Variants in FSTL5 observed in about 807,000 individuals in gnomAD.
The protein encoded by FSTL5 is follistatin-related protein 5.
FSTL5 carries 62 observed loss-of-function variants against 89.1 expected under a neutral mutation model. That is an observed-to-expected ratio of 0.70 (90% CI 0.57 to 0.86). The LOEUF is 0.86. Among genes scored for constraint, FSTL5 ranks in the 40% least tolerant of loss-of-function variants. FSTL5 has a pLI of 0.00. For missense variants in FSTL5, 1,057 were observed against 1,001.6 expected, an observed-to-expected ratio of 1.06 and a Z score of -0.75; for synonymous variants, 383 against 346.2, an observed-to-expected ratio of 1.11 and a Z score of -1.18.
chr4:161,442,145 A>AT (rs1430072186), intron 15 of FSTL5, among the ~76,000 whole-genome samples: 2 of 88,282 alleles, frequency 2.3e-5, no homozygotes, highest in African/African-American at 7.1e-5. Context: ...ACTCTATAAA[A>AT]GGTTTTTTTT....
intron 2 of FSTL5, among the ~76,000 whole-genome samples, chr4:162,050,762 C>A (rs1553994968): frequency 6.6e-6 from 1 of 151,010 alleles, no homozygotes; most frequent in Non-Finnish European, 1.5e-5. Flanking sequence ...GAGTAGAAAA[C>A]AAAGGAATTT....
intron 10 of FSTL5, among the ~76,000 whole-genome samples, chr4:161,525,385 T>C (rs185401908): frequency 6.6e-6 from 1 of 152,296 alleles, no homozygotes; most frequent in Non-Finnish European, 1.5e-5. Context: ...TTCTAAACTA[T>C]GTAAATGTCT....
intron 4 of FSTL5, among the ~76,000 whole-genome samples, chr4:161,829,201 T>C (rs548040366): frequency 6.7e-6 from 1 of 148,402 alleles, no homozygotes; most frequent in Non-Finnish European, 1.5e-5. Flanking sequence ...ATATAGTCTA[T>C]GTTATATAAA....
At chr4:161,602,781 G>A (rs1433031651) in intron 7 of FSTL5, among the ~76,000 whole-genome samples, 2 of 152,090 alleles carry the variant, frequency 1.3e-5, no homozygotes, top group Non-Finnish European at 2.9e-5. Context: ...GGAGAATTAA[G>A]GAGCTGTCAG....
intron 7 of FSTL5, among the ~76,000 whole-genome samples, chr4:161,644,234 A>G (rs1470196012): frequency 6.6e-6 from 1 of 152,096 alleles, no homozygotes; most frequent in Non-Finnish European, 1.5e-5. Flanking sequence ...GTATTCAAGA[A>G]CAGTAGTAAT....
At chr4:162,015,280 GA>G (rs1007315007) in intron 3 of FSTL5, among the ~76,000 whole-genome samples, 26 of 152,154 alleles carry the variant, frequency 1.7e-4, no homozygotes, top group Middle Eastern at 3.4e-3. Context: ...CAGAACTCAA[GA>G]AAAAAGGGAA....
At chr4:161,608,531 G>C (rs1261791238) in intron 7 of FSTL5, among the ~76,000 whole-genome samples, 2 of 151,826 alleles carry the variant, frequency 1.3e-5, no homozygotes, top group South Asian at 2.1e-4. Flanking sequence ...TGTAAAAAGA[G>C]TAATTGCAAA....
chr4:161,388,716 A>T (rs1730725212), intron 15 of FSTL5, among the ~76,000 whole-genome samples: 1 of 152,062 alleles, frequency 6.6e-6, no homozygotes, highest in African/African-American at 2.4e-5. Flanking sequence ...AGGCTCACTG[A>T]ATAAAAGCAA....
chr4:162,150,300 C>T (rs1733177691), intron 1 of FSTL5, among the ~76,000 whole-genome samples: 1 of 152,058 alleles, frequency 6.6e-6, no homozygotes. Flanking sequence ...GCCTTTTGAG[C>T]CAGAGAGAAA....
chr4:162,066,471 TTGCTGCATAGGTATACATG>T (rs1738920373), intron 2 of FSTL5, among the ~76,000 whole-genome samples: 1 of 150,916 alleles, frequency 6.6e-6, no homozygotes, highest in African/African-American at 2.4e-5. Context: ...ACTAGCATGT[TTGCTGCATAGGTATACATG>T]TGCCATGGTG....
intron 7 of FSTL5, among the ~76,000 whole-genome samples, chr4:161,602,789 C>T (rs1560974306): frequency 6.6e-6 from 1 of 152,110 alleles, no homozygotes; most frequent in South Asian, 2.1e-4. Flanking sequence ...AAGGAGCTGT[C>T]AGCCCAGAAT....
At chr4:161,831,252 T>C (rs1730835544) in intron 4 of FSTL5, among the ~76,000 whole-genome samples, 1 of 151,910 alleles carries the variant, frequency 6.6e-6, no homozygotes. Context: ...TTTAAAACAA[T>C]TTTTAACTTT....
At chr4:161,723,958 G>T (rs981256991) in intron 6 of FSTL5, among the ~76,000 whole-genome samples, 1 of 152,080 alleles carries the variant, frequency 6.6e-6, no homozygotes, top group African/African-American at 2.4e-5. Flanking sequence ...ACTATTAAAT[G>T]TTGAAAGCCA....
At chr4:161,911,712 T>C (rs1733698209) in intron 4 of FSTL5, among the ~76,000 whole-genome samples, 1 of 152,202 alleles carries the variant, frequency 6.6e-6, no homozygotes, top group African/African-American at 2.4e-5. Context: ...TATGATGTCT[T>C]AAACTAAAAC....
chr4:162,002,464 G>A (rs111226441), intron 3 of FSTL5, among the ~76,000 whole-genome samples: 29 of 152,206 alleles, frequency 1.9e-4, no homozygotes, highest in Middle Eastern at 3.4e-3. Context: ...CCTATTATTT[G>A]TTTGCAGTCA....
chr4:161,951,073 T>A (rs72981151), intron 3 of FSTL5, among the ~76,000 whole-genome samples: 160 of 152,184 alleles, frequency 1.1e-3, no homozygotes, highest in African/African-American at 3.7e-3. Context: ...TGACAGCGAA[T>A]AAGTCTCATG....
intron 7 of FSTL5, among the ~76,000 whole-genome samples, chr4:161,632,439 C>T (rs940468504): frequency 1.3e-5 from 2 of 151,930 alleles, no homozygotes; most frequent in African/African-American, 4.8e-5. Context: ...AACATGGGGG[C>T]AATAATACAT....
At chr4:161,496,782 A>C (rs1730090662) in intron 12 of FSTL5, among the ~76,000 whole-genome samples, 1 of 149,834 alleles carries the variant, frequency 6.7e-6, no homozygotes, top group Non-Finnish European at 1.5e-5. Context: ...AGATAGATAG[A>C]GAAAAAGATA....
intron 4 of FSTL5, among the ~76,000 whole-genome samples, chr4:161,866,406 T>C (rs376366019): frequency 1.3e-5 from 2 of 151,802 alleles, no homozygotes; most frequent in African/African-American, 2.4e-5. Context: ...GTCTTTTGAT[T>C]TGATGTATCA....
Sources: gnomAD v4.1 joint callset for allele counts (sites outside exome capture counted in the v4.1 genomes callset) on GRCh38, gnomAD v4.1.1 for gene constraint, MANE v1.5 for transcripts, NCBI Gene and HGNC (gene_info 2026-07-23, HGNC 2026-07-21) for gene names.